CACNB2: variants seen among roughly 807,000 people sequenced by gnomAD.
The protein encoded by CACNB2 is voltage-dependent L-type calcium channel subunit beta-2.
Under a neutral mutation model 73.3 loss-of-function variants are expected in CACNB2, and 42 were observed. The ratio of observed to expected loss-of-function variants is 0.57; its 90% confidence interval spans 0.45 to 0.74. CACNB2 has a LOEUF of 0.74. CACNB2 is among the 30% of genes least tolerant of loss of function. The pLI is 0.00. For missense variants in CACNB2, 940 were observed against 853.0 expected, an observed-to-expected ratio of 1.10 and a Z score of -1.27; for synonymous variants, 348 against 310.3, an observed-to-expected ratio of 1.12 and a Z score of -1.28.
intron 3 of CACNB2, among the ~76,000 whole-genome samples, chr10:18,487,383 T>G (rs2049119243): frequency 6.6e-6 from 1 of 152,212 alleles, no homozygotes; most frequent in Admixed American, 6.5e-5. Context: ...ATGGGGGCTG[T>G]GTTTCATTAG....
intron 2 of CACNB2, among the ~76,000 whole-genome samples, chr10:18,298,098 C>T (rs1240538508): frequency 8.5e-5 from 13 of 152,180 alleles, no homozygotes; most frequent in Non-Finnish European, 1.5e-5. Context: ...GCTGGGCGTA[C>T]TGGCTCACGC....
chr10:18,150,880 T>TTTTTTTTG lies in CACNB2; in HGVS notation c.121-3_121-2insTTTTTTTG. The TTTTTTTTG allele has an allele frequency of 2.3e-6, 3 of 1,300,364 alleles. No homozygotes were observed. Among genetic ancestry groups the TTTTTTTTG allele is most frequent in the Non-Finnish European group, 3.2e-6 (3 of 943,296 alleles). 80.6% of individuals were successfully genotyped at this position (1,300,364 alleles called of 1,614,324 possible). A position where few individuals can be genotyped will look rare whatever the true frequency, so the allele number is the denominator to read the frequency against. On this transcript the variant is annotated splice_polypyrimidine_tract_variant and splice_region_variant and intron_variant, in intron 1 of 13. Coordinates refer to ENST00000324631, the MANE Select transcript of CACNB2 (RefSeq NM_201596.3). Reference sequence around the variant, plus strand: ...CTTTTTTTTTTTTTTTTTTTTTTTTTAGTCATATGGAAAAGGAGCCAGAAG... The same window carrying TTTTTTTTG: ...CTTTTTTTTTTTTTTTTTTTTTTTTTTTTTTTTGAGTCATATGGAAAAGGAGCCAGAAG...
chr10:18,170,094 G>T (rs1321004293), intron 2 of CACNB2, among the ~76,000 whole-genome samples: 1 of 152,212 alleles, frequency 6.6e-6, no homozygotes, highest in African/African-American at 2.4e-5. Context: ...GCATGTCCAT[G>T]AACTAATCAC....
chr10:18,261,603 T>G (rs892255220), intron 2 of CACNB2, among the ~76,000 whole-genome samples: 2 of 152,236 alleles, frequency 1.3e-5, no homozygotes, highest in South Asian at 2.1e-4. Context: ...CTCAGAGATC[T>G]GCCTCATTCA....
intron 2 of CACNB2, among the ~76,000 whole-genome samples, chr10:18,281,373 T>A (rs192650645): frequency 6.6e-6 from 1 of 152,330 alleles, no homozygotes. Context: ...ATTTAGGAGC[T>A]GTGTGGGAAA....
rs554100419 is a variant in CACNB2 at position 18,443,425 on chromosome 10, G to T, written c.333+41382G>T. On this transcript the variant is annotated intron_variant, in intron 3 of 13. Transcript: ENST00000324631. ...GGGTGCAGGGCCAGCAGGAGCCCAG[G>T]CCTCCTTTCTAGCAAGCTGTGCTGT... is the stretch of plus-strand genomic sequence containing the variant. Among the ~76,000 whole-genome samples, 3 of 152,174 alleles carry T rather than the reference G, an allele frequency of 2.0e-5. No homozygotes were observed. The East Asian group carries it at 5.8e-4, about 30-fold the overall frequency.
At chr10:18,381,605 T>TC (rs1564488112) in intron 2 of CACNB2, among the ~76,000 whole-genome samples, 2 of 151,606 alleles carry the variant, frequency 1.3e-5, no homozygotes, top group African/African-American at 4.9e-5. Flanking sequence ...GGAGAATTGC[T>TC]TGAACCTGGG....
At chr10:18,499,331 C>T (rs762799956) in intron 4 of CACNB2, among the ~76,000 whole-genome samples, 29 of 152,082 alleles carry the variant, frequency 1.9e-4, no homozygotes, top group Non-Finnish European at 3.8e-4. Context: ...ATTAAAAGAA[C>T]CTAGGGCTGG....
At chr10:18,331,259 C>A (rs2040795731) in intron 2 of CACNB2, among the ~76,000 whole-genome samples, 1 of 151,970 alleles carries the variant, frequency 6.6e-6, no homozygotes, top group South Asian at 2.1e-4. Flanking sequence ...GCTGGAATTA[C>A]AGGCATGAGC....
chr10:18,533,427 T>A (rs536542788), intron 10 of CACNB2: 72 of 152,730 alleles, frequency 4.7e-4, no homozygotes, highest in African/African-American at 1.7e-3. Context: ...TTCTCGGAGT[T>A]CAACTAGATA....
At chr10:18,534,395 C>T (rs928936040) in intron 11 of CACNB2, among the ~76,000 whole-genome samples, 168 bp downstream of exon 11, 25 of 152,188 alleles carry the variant, frequency 1.6e-4, no homozygotes, top group African/African-American at 5.8e-4. Flanking sequence ...TGGCTTAGAA[C>T]AGCTGTTCTC....
chr10:18,242,979 C>T (rs569395911), intron 2 of CACNB2, among the ~76,000 whole-genome samples: 4 of 143,476 alleles, frequency 2.8e-5, no homozygotes, highest in South Asian at 2.2e-4. Flanking sequence ...CACTGCACTC[C>T]AGCCTGGGCG....
intron 2 of CACNB2, among the ~76,000 whole-genome samples, chr10:18,381,739 A>T (rs570191332): frequency 2.2e-4 from 33 of 151,854 alleles, no homozygotes; most frequent in Admixed American, 7.9e-4. Flanking sequence ...TTGACTGTAG[A>T]ATTTGGAATG....
chr10:18,264,305 A>T (rs1441824561), intron 2 of CACNB2, among the ~76,000 whole-genome samples: 1 of 152,242 alleles, frequency 6.6e-6, no homozygotes. Flanking sequence ...TCAAGCATTT[A>T]TCCTTTGTGT....
intron 2 of CACNB2, among the ~76,000 whole-genome samples, chr10:18,235,142 C>CAA (rs34052926): frequency 1.4e-3 from 138 of 99,738 alleles, no homozygotes; most frequent in African/African-American, 3.3e-3. Context: ...GACTCTGTCT[C>CAA]AAAAAAAAAA....
At chr10:18,305,268 T>C (rs1337650949) in intron 2 of CACNB2, among the ~76,000 whole-genome samples, 4 of 152,244 alleles carry the variant, frequency 2.6e-5, no homozygotes, top group Non-Finnish European at 5.9e-5. Flanking sequence ...TATTGTTTTA[T>C]TATGTCACTT....
At chr10:18,156,991 C>T (rs986376539) in intron 2 of CACNB2, among the ~76,000 whole-genome samples, 7 of 151,098 alleles carry the variant, frequency 4.6e-5, no homozygotes, top group South Asian at 2.1e-4. Context: ...TGCGGTGAGC[C>T]GAGATTGCGC....
intron 2 of CACNB2, chr10:18,400,562 C>A (rs1020418898): frequency 3.9e-6 from 4 of 1,021,324 alleles, no homozygotes; most frequent in Admixed American, 5.2e-5. Flanking sequence ...CCTCCGCCTC[C>A]CCCCTCCCCC....
intron 10 of CACNB2, among the ~76,000 whole-genome samples, chr10:18,530,300 G>T (rs2052870500): frequency 6.6e-6 from 1 of 152,056 alleles, no homozygotes; most frequent in South Asian, 2.1e-4. Context: ...TTATTTTGGT[G>T]CCCAGGGACA....
Sources: gnomAD v4.1 joint callset for allele counts (sites outside exome capture counted in the v4.1 genomes callset) on GRCh38, gnomAD v4.1.1 for gene constraint, MANE v1.5 for transcripts, NCBI Gene and HGNC (gene_info 2026-07-23, HGNC 2026-07-21) for gene names.